PIK3CA: variants seen among roughly 807,000 people sequenced by gnomAD.
PIK3CA encodes the protein phosphatidylinositol 4,5-bisphosphate 3-kinase catalytic subunit alpha isoform.
A neutral mutation model predicts 138.2 loss-of-function variants in PIK3CA; 27 were observed. The observed-to-expected ratio is 0.20, with a 90% CI of 0.14 to 0.27. The LOEUF (loss-of-function observed/expected upper bound fraction) is 0.27, where lower values mean the gene tolerates loss of function less well. Among genes scored for constraint, PIK3CA ranks in the 10% least tolerant of loss-of-function variants. PIK3CA has a pLI of 1.00. For missense variants in PIK3CA, 544 were observed against 1,277.4 expected (o/e 0.43, Z 8.75); for synonymous variants, 358 against 413.2 (o/e 0.87, Z 1.62).
chr3:179,204,485 C>T lies in PIK3CA; in HGVS notation c.1060-18C>T. On this transcript the variant is annotated intron_variant, in intron 5 of 20. Coordinates refer to ENST00000263967, the MANE Select transcript of PIK3CA (RefSeq NM_006218.4). The stretch of plus-strand genomic sequence containing the variant: ...TGTTGAGTGTATACATTAGTATATA[C>T]CTACTTTTTTCTTTTAGATCTATGT... 8.0e-7 allele frequency: 1 copy of T among 1,256,544 alleles called. No individual in the cohort carries two copies. Among genetic ancestry groups the T allele is most frequent in the African/African-American group, 1.5e-5 (1 of 67,856 alleles). 77.8% of individuals were successfully genotyped at this position (1,256,544 alleles called of 1,614,324 possible).
At chr3:179,224,922 A>C in intron 16 of PIK3CA, 101 bp downstream of exon 16, 1 of 728,704 alleles carries the variant, frequency 1.4e-6, no homozygotes, top group Non-Finnish European at 2.3e-6. Flanking sequence ...CCATTTAAGG[A>C]ATATACACAT....
chr3:179,178,471 G>T (rs917613306), intron 1 of PIK3CA, among the ~76,000 whole-genome samples: 12 of 152,034 alleles, frequency 7.9e-5, no homozygotes, highest in Non-Finnish European at 1.6e-4. Context: ...AAACCATCAT[G>T]AGATACCCAC....
intron 1 of PIK3CA, among the ~76,000 whole-genome samples, chr3:179,151,678 T>C (rs1723017240): frequency 6.6e-6 from 1 of 152,196 alleles, no homozygotes; most frequent in South Asian, 2.1e-4. Context: ...TGCTTCTTTC[T>C]CTAGGTTTAT....
chr3:179,229,933 T>C, intron 18 of PIK3CA, 71 bp from the exon 19 acceptor site: 1 of 907,624 alleles, frequency 1.1e-6, no homozygotes, highest in South Asian at 1.7e-5. Flanking sequence ...ACTTGCACCC[T>C]GTTTTCTTTT....
chr3:179,195,118 G>A (rs1273313862), intron 1 of PIK3CA, among the ~76,000 whole-genome samples: 1 of 151,932 alleles, frequency 6.6e-6, no homozygotes, highest in African/African-American at 2.4e-5. Context: ...GGAATCTGGG[G>A]AACTGGAAGC....
chr3:179,215,373 A>G (rs1276869142), intron 9 of PIK3CA, among the ~76,000 whole-genome samples: 8 of 152,096 alleles, frequency 5.3e-5, no homozygotes, highest in Non-Finnish European at 8.8e-5. Context: ...TAAAACTTCT[A>G]TTTTTCAGTT....
intron 1 of PIK3CA, among the ~76,000 whole-genome samples, chr3:179,155,226 A>G (rs1213091244): frequency 6.6e-6 from 1 of 152,216 alleles, no homozygotes; most frequent in Non-Finnish European, 1.5e-5. Context: ...AGGAGGAGAC[A>G]ATGTTGTGTT....
intron 14 of PIK3CA, among the ~76,000 whole-genome samples, chr3:179,223,492 A>T (rs982453656): frequency 6.6e-6 from 1 of 152,144 alleles, no homozygotes; most frequent in South Asian, 2.1e-4. Context: ...TTTTCCCAAC[A>T]ATTTCTTTTA....
chr3:179,170,062 GCA>G (rs975135345), intron 1 of PIK3CA, among the ~76,000 whole-genome samples: 10 of 77,578 alleles, frequency 1.3e-4, no homozygotes, highest in Non-Finnish European at 1.9e-4. Context: ...ACATGCGCGT[GCA>G]CACGCGCGCG....
At chr3:179,149,577 G>A (rs540255401) in intron 1 of PIK3CA, 1 of 152,348 alleles carries the variant, frequency 6.6e-6, no homozygotes, top group Admixed American at 6.5e-5. Flanking sequence ...ATTCTTTAAT[G>A]AATTAGAGTT....
intron 1 of PIK3CA, among the ~76,000 whole-genome samples, chr3:179,171,250 A>G (rs1036707165): frequency 2.0e-5 from 3 of 152,172 alleles, no homozygotes; most frequent in Admixed American, 6.5e-5. Flanking sequence ...ACTGAGTGAA[A>G]ATGAACACAA....
chr3:179,198,137 G>A (rs576757470), intron 1 of PIK3CA, among the ~76,000 whole-genome samples: 10 of 152,226 alleles, frequency 6.6e-5, no homozygotes, highest in Admixed American at 6.5e-4. Flanking sequence ...TTTAAGAACA[G>A]AATGTCTAAG....
chr3:179,160,771 T>C (rs763661963), intron 1 of PIK3CA, among the ~76,000 whole-genome samples: 5 of 152,200 alleles, frequency 3.3e-5, no homozygotes, highest in Non-Finnish European at 7.4e-5. Flanking sequence ...ACCACATACA[T>C]TATACTTTAT....
At chr3:179,181,966 A>G (rs1723857212) in intron 1 of PIK3CA, among the ~76,000 whole-genome samples, 1 of 152,210 alleles carries the variant, frequency 6.6e-6, no homozygotes, top group East Asian at 1.9e-4. Flanking sequence ...GCACATACAC[A>G]AAAGAGTTGT....
chr3:179,153,202 T>G (rs539723339), intron 1 of PIK3CA, among the ~76,000 whole-genome samples: 90 of 152,326 alleles, frequency 5.9e-4, no homozygotes, highest in African/African-American at 2.0e-3. Context: ...AATTTCAGAT[T>G]AGCGGTTACA....
chr3:179,228,843 A>C (rs895239535), intron 17 of PIK3CA, among the ~76,000 whole-genome samples: 1 of 152,126 alleles, frequency 6.6e-6, no homozygotes, highest in Non-Finnish European at 1.5e-5. Flanking sequence ...GATGTAATTC[A>C]CATAACTAAA....
intron 1 of PIK3CA, among the ~76,000 whole-genome samples, chr3:179,155,200 G>C (rs1293351599): frequency 6.6e-6 from 1 of 152,140 alleles, no homozygotes; most frequent in Non-Finnish European, 1.5e-5. Flanking sequence ...AGGATTTTAG[G>C]CATATGTTTT....
At chr3:179,182,062 T>C (rs1307500806) in intron 1 of PIK3CA, among the ~76,000 whole-genome samples, 1 of 152,226 alleles carries the variant, frequency 6.6e-6, no homozygotes, top group Non-Finnish European at 1.5e-5. Context: ...CTGAATTACC[T>C]CTTTACTCCC....
chr3:179,169,792 T>G (rs755749738), intron 1 of PIK3CA, among the ~76,000 whole-genome samples: 3 of 152,240 alleles, frequency 2.0e-5, no homozygotes, highest in Non-Finnish European at 4.4e-5. Flanking sequence ...CTTCTTACTC[T>G]GTTTTAGAGG....
Sources: allele counts gnomAD v4.1 joint callset (sites outside exome capture counted in the v4.1 genomes callset), GRCh38; gene constraint gnomAD v4.1.1; transcripts MANE v1.5; gene names NCBI Gene and HGNC (gene_info 2026-07-23, HGNC 2026-07-21).